CADPS: variants seen among roughly 807,000 people sequenced by gnomAD.
CADPS encodes the protein calcium-dependent secretion activator 1.
Under a neutral mutation model 167.3 loss-of-function variants are expected in CADPS, and 57 were observed. That is an observed-to-expected ratio of 0.34 (90% CI 0.28 to 0.42). The LOEUF is 0.42. Among genes scored for constraint, CADPS ranks in the 20% least tolerant of loss-of-function variants. CADPS has a pLI of 1.00. For missense variants in CADPS, 1,414 were observed against 1,738.1 expected (o/e 0.81, Z 3.32); for synonymous variants, 676 against 635.3 (o/e 1.06, Z -0.96).
At chr3:62,779,391 G>A in intron 1 of CADPS, 1 of 461,228 alleles carries the variant, frequency 2.2e-6, no homozygotes, top group Non-Finnish European at 4.2e-6. Context: ...ACACTTTCAG[G>A]AGAGCTGCCT....
chr3:62,753,060 C>T lies in CADPS; in HGVS notation c.888+381G>A, dbSNP rs1011551286. ...GCAGGTGCTAAGTTCAGTAGTCTTCCCAGCTGAGGAAGCACAAGCCCTTCA... is the reference window on the plus strand; with the variant it reads ...GCAGGTGCTAAGTTCAGTAGTCTTCTCAGCTGAGGAAGCACAAGCCCTTCA... On this transcript the variant is annotated intron_variant, in intron 3 of 29. Coordinates refer to ENST00000383710, the MANE Select transcript of CADPS (RefSeq NM_003716.4). The surrounding 1 kb of genome is among the most constrained non-coding windows in gnomAD (Gnocchi z 4.6). 2.0e-5 allele frequency among the ~76,000 whole-genome samples: 3 copies of T among 152,092 alleles called. No homozygotes were observed. Among genetic ancestry groups the T allele is most frequent in the African/African-American group, 7.2e-5 (3 of 41,422 alleles).
intron 7 of CADPS, among the ~76,000 whole-genome samples, chr3:62,589,476 A>G (rs1046008489): frequency 4.6e-5 from 7 of 152,278 alleles, no homozygotes; most frequent in Admixed American, 6.5e-5. Flanking sequence ...TCACCACCAC[A>G]GCACAGCCCA....
chr3:62,588,112 C>T (rs2085059117), intron 7 of CADPS, among the ~76,000 whole-genome samples: 1 of 152,182 alleles, frequency 6.6e-6, no homozygotes, highest in Non-Finnish European at 1.5e-5. Flanking sequence ...CTCCTAGTTG[C>T]CTGGGCACAC....
In CADPS at chr3:62,645,851, G is replaced by A. The variant is rs774141057; in HGVS notation, c.1204-8C>T. The A allele has an allele frequency of 1.9e-6, 3 of 1,613,858 alleles. No individual in the cohort carries two copies. The highest frequency in any genetic ancestry group is 3.3e-5 in the Admixed American group (2 of 60,000). On this transcript the variant is annotated splice_polypyrimidine_tract_variant and splice_region_variant and intron_variant, in intron 5 of 29. Transcript: ENST00000383710. ...GACTTCCATAATTACCACCTGAAAA[G>A]AGAATTCCACATAATGGAGGTTATT...
intron 1 of CADPS, among the ~76,000 whole-genome samples, chr3:62,864,008 T>G (rs1328052224): frequency 6.6e-6 from 1 of 152,230 alleles, no homozygotes; most frequent in Non-Finnish European, 1.5e-5. Context: ...GTGTCATCTG[T>G]GAACTACTTC....
chr3:62,710,431 A>T (rs1038023061), intron 3 of CADPS, among the ~76,000 whole-genome samples: 1 of 152,148 alleles, frequency 6.6e-6, no homozygotes, highest in Non-Finnish European at 1.5e-5. Flanking sequence ...AAACCTTGGG[A>T]AAGTTACCGA....
intron 21 of CADPS, among the ~76,000 whole-genome samples, chr3:62,484,897 T>C (rs1024975729): frequency 1.3e-5 from 2 of 152,190 alleles, no homozygotes; most frequent in African/African-American, 4.8e-5. Flanking sequence ...ATGTAGCACA[T>C]CTTGTCTTTT....
intron 6 of CADPS, chr3:62,626,500 T>C (rs780817527): frequency 1.4e-6 from 1 of 702,572 alleles, no homozygotes; most frequent in South Asian, 1.5e-5. Context: ...CTGGAGATGA[T>C]TTGACATGGC....
chr3:62,696,357 G>C (rs1487768546), intron 3 of CADPS, among the ~76,000 whole-genome samples: 1 of 152,088 alleles, frequency 6.6e-6, no homozygotes, highest in Admixed American at 6.5e-5. Flanking sequence ...GCCTTCCCCA[G>C]CAGCAGTGAA....
chr3:62,406,664 C>T (rs1159279755), intron 28 of CADPS, among the ~76,000 whole-genome samples: 1 of 152,098 alleles, frequency 6.6e-6, no homozygotes, highest in Non-Finnish European at 1.5e-5. Context: ...CTACTTTAAT[C>T]CTAAAACACA....
At chr3:62,596,384 G>C (rs759187416) in intron 6 of CADPS, among the ~76,000 whole-genome samples, 1 of 151,882 alleles carries the variant, frequency 6.6e-6, no homozygotes, top group Non-Finnish European at 1.5e-5. Context: ...TTTTAGTAGA[G>C]ACGGGGTTTC....
chr3:62,760,924 A>G (rs1318605458), intron 2 of CADPS, among the ~76,000 whole-genome samples: 1 of 152,154 alleles, frequency 6.6e-6, no homozygotes, highest in Non-Finnish European at 1.5e-5. Context: ...TTCTCATTAC[A>G]TAGTTGCAGT....
At chr3:62,542,948 G>A (rs2075935729) in intron 11 of CADPS, among the ~76,000 whole-genome samples, 1 of 152,052 alleles carries the variant, frequency 6.6e-6, no homozygotes, top group African/African-American at 2.4e-5. Context: ...TCCAACATGA[G>A]CAAAAATAAA....
At chr3:62,844,208 ACATCTCC>A (rs2077052051) in intron 1 of CADPS, among the ~76,000 whole-genome samples, 1 of 152,186 alleles carries the variant, frequency 6.6e-6, no homozygotes, top group Non-Finnish European at 1.5e-5. Context: ...ACCGGCATCA[ACATCTCC>A]CATCAGCACA....
chr3:62,551,284 G>A (rs1315770315), intron 10 of CADPS, among the ~76,000 whole-genome samples: 1 of 152,022 alleles, frequency 6.6e-6, no homozygotes, highest in Non-Finnish European at 1.5e-5. Flanking sequence ...CCAGTCTTGG[G>A]GTCAATTCTG....
At chr3:62,409,645 A>G (rs1220312795) in intron 28 of CADPS, among the ~76,000 whole-genome samples, 2 of 152,194 alleles carry the variant, frequency 1.3e-5, no homozygotes, top group Non-Finnish European at 2.9e-5. Flanking sequence ...CTCCTCTTCT[A>G]TTTTAGGTTG....
chr3:62,841,659 C>G (rs1174620198), intron 1 of CADPS, among the ~76,000 whole-genome samples: 2 of 152,092 alleles, frequency 1.3e-5, no homozygotes, highest in Non-Finnish European at 2.9e-5. Context: ...CCTGATGGCA[C>G]CACTGCACTT....
chr3:62,485,930 G>A (rs1191718513), intron 21 of CADPS, among the ~76,000 whole-genome samples: 4 of 152,136 alleles, frequency 2.6e-5, no homozygotes, highest in Admixed American at 1.3e-4. Context: ...AGGACACTTG[G>A]TGGCCCAAGG....
intron 7 of CADPS, among the ~76,000 whole-genome samples, chr3:62,590,258 T>G (rs2085650710): frequency 6.6e-6 from 1 of 152,056 alleles, no homozygotes; most frequent in African/African-American, 2.4e-5. Flanking sequence ...TGGACCCAGG[T>G]TGAGCATCCT....
Sources: allele counts gnomAD v4.1 joint callset (sites outside exome capture counted in the v4.1 genomes callset), GRCh38; gene constraint gnomAD v4.1.1; non-coding constraint Gnocchi (gnomAD v3.1); transcripts MANE v1.5; gene names NCBI Gene and HGNC (gene_info 2026-07-23, HGNC 2026-07-21).